CCDC71L: variants seen among roughly 807,000 people sequenced by gnomAD.
CCDC71L encodes the protein coiled-coil domain-containing protein 71L.
A neutral mutation model predicts 10.2 loss-of-function variants in CCDC71L; 6 were observed. The observed-to-expected ratio is 0.59, with a 90% CI of 0.32 to 1.16. CCDC71L has a LOEUF of 1.16. Ranked by LOEUF, CCDC71L falls within the 50% of genes most tolerant of loss-of-function variation. The pLI is 0.05. For synonymous variants in CCDC71L, 204 were observed against 175.5 expected, an observed-to-expected ratio of 1.16 and a Z score of -1.28; for missense variants, 366 against 383.4, an observed-to-expected ratio of 0.95 and a Z score of 0.38.
At position 106,660,714 on chromosome 7, in the gene CCDC71L, C is replaced by T. The variant is rs1792579993; in HGVS notation, c.183G>A (p.Lys61=). 7 of 1,580,414 alleles carry T rather than the reference C, an allele frequency of 4.4e-6. No individual in the cohort carries two copies. The highest frequency in any genetic ancestry group is 5.2e-6 in the Non-Finnish European group (6 of 1,163,284). ...DSTKALGDAF[K]LFMPRSTEFM... ...ACTCCGTGCTGCGGGGCATGAAGAG[C>T]TTGAAGGCGTCGCCCAGCGCCTTGG... is the stretch of plus-strand genomic sequence containing the variant. The change falls in exon 1 of 1, where the codon AAG becomes AAA. Residue 61 remains lysine, a synonymous_variant. Transcript: ENST00000523505. This position sits in a 1 kb window ranked among gnomAD's most constrained non-coding sequence, Gnocchi z 7.5.
At position 106,660,528 on chromosome 7, in the gene CCDC71L, C is replaced by A; in HGVS notation, c.369G>T (p.Arg123=). The A allele has an allele frequency of 6.9e-7, 1 of 1,453,576 alleles. No individual in the cohort carries two copies. The highest frequency in any genetic ancestry group is 1.3e-5 in the South Asian group (1 of 75,066). The allele number at this position is 1,453,576 out of a possible 1,614,324, so 90.0% of individuals were successfully genotyped here. ...TCCTGGCCGCTGCGCGCGGAACCGGCCGGCGCGCCTGGCCGCGGGCTGTAG... is the reference window on the plus strand; with the variant it reads ...TCCTGGCCGCTGCGCGCGGAACCGGACGGCGCGCCTGGCCGCGGGCTGTAG... ...GPPTARGQAR[R]PVPRAAARRR... Residue 123 remains arginine (R), a synonymous_variant, in exon 1 of 1, where the codon CGG becomes CGT. Coordinates refer to ENST00000523505, the MANE Select transcript of CCDC71L (RefSeq NM_175884.6). This position sits in a 1 kb window ranked among gnomAD's most constrained non-coding sequence, Gnocchi z 7.5.
chr7:106,654,828 C>A lies in CCDC71L; in HGVS notation c.*5361G>T, dbSNP rs1792464927. Among the ~76,000 whole-genome samples the A allele has an allele frequency of 6.6e-6, 1 of 151,554 alleles. No individual in the cohort carries two copies. Among genetic ancestry groups the A allele is most frequent in the Non-Finnish European group, 1.5e-5 (1 of 67,884 alleles). ...TGTTTTTGCTTCAATAATTTTTTTA[C>A]TCTGTAAGATTTAGAACCCTAAGCC... On this transcript the variant is annotated 3_prime_UTR_variant, in exon 1 of 1. Transcript: ENST00000523505.
At position 106,658,037 on chromosome 7, in the gene CCDC71L, G is replaced by A. The variant is rs1792519775; in HGVS notation, c.*2152C>T. Reference sequence around the variant, plus strand: ...AATTGCATTCTAATATGGCCATTGGGTTTATTTTTCATTATTATAAAACTA... The same window carrying A: ...AATTGCATTCTAATATGGCCATTGGATTTATTTTTCATTATTATAAAACTA... On this transcript the variant is annotated 3_prime_UTR_variant, in exon 1 of 1. Coordinates refer to ENST00000523505, the MANE Select transcript of CCDC71L (RefSeq NM_175884.6). 1 of 152,110 alleles carries A rather than the reference G, an allele frequency of 6.6e-6. No individual in the cohort carries two copies. Among genetic ancestry groups the A allele is most frequent in the South Asian group, 2.1e-4 (1 of 4,836 alleles). The allele number at this position is 152,110 out of a possible 1,614,324, so 9.4% of individuals were successfully genotyped here.
Position 106,658,650 on chromosome 7 carries a change from C to G in CCDC71L, c.*1539G>C, listed in dbSNP as rs1429864460. On this transcript the variant is annotated 3_prime_UTR_variant, in exon 1 of 1. Transcript: ENST00000523505. ...ATAGTGGTACAAAAACACTACTTGA[C>G]CCTTTAGGTATTGCAGTAAAAGCTG... 1 of 152,606 alleles carries G rather than the reference C, an allele frequency of 6.6e-6. No homozygotes were observed. The highest frequency in any genetic ancestry group is 1.5e-5 in the Non-Finnish European group (1 of 68,028). The allele number at this position is 152,606 out of a possible 1,614,324, so 9.5% of individuals were successfully genotyped here.
Position 106,658,881 on chromosome 7 carries a change from G to C in CCDC71L, c.*1308C>G, listed in dbSNP as rs888430401. On this transcript the variant is annotated 3_prime_UTR_variant, in exon 1 of 1. Transcript: ENST00000523505. ...TAGAACTGCAAACATATAATGAGTGGCAAAAAGGTTAAAAAAAATGTTGGG... is the reference window on the plus strand; with the variant it reads ...TAGAACTGCAAACATATAATGAGTGCCAAAAAGGTTAAAAAAAATGTTGGG... 5 of 152,318 alleles carry C rather than the reference G, an allele frequency of 3.3e-5. No homozygotes were observed. The highest frequency in any genetic ancestry group is 1.2e-4 in the African/African-American group (5 of 41,336). The allele number at this position is 152,318 out of a possible 1,614,324, so 9.4% of individuals were successfully genotyped here.
Position 106,656,261 on chromosome 7 carries a change from ACTAT to A in CCDC71L, c.*3924_*3927del, listed in dbSNP as rs1390180710. Among the ~76,000 whole-genome samples the A allele has an allele frequency of 6.6e-6, 1 of 152,170 alleles. No homozygotes were observed. The highest frequency in any genetic ancestry group is 1.5e-5 in the Non-Finnish European group (1 of 68,020). On this transcript the variant is annotated 3_prime_UTR_variant, in exon 1 of 1. Coordinates refer to ENST00000523505, the MANE Select transcript of CCDC71L (RefSeq NM_175884.6). Reference sequence around the variant, plus strand: ...CAAAGACAAATTCAGCCCACACAGTACTATCTATGAATCCGGCTCTTGCTGTGCT... The same window carrying A: ...CAAAGACAAATTCAGCCCACACAGTACTATGAATCCGGCTCTTGCTGTGCT...
rs779543264 is a variant in CCDC71L, at chr7:106,660,833, C to T, written c.64G>A (p.Gly22Ser). The T allele has an allele frequency of 1.4e-5, 22 of 1,527,642 alleles. No homozygotes were observed. In the South Asian group the frequency reaches 2.1e-4, roughly 14 times the overall value. 94.6% of individuals were successfully genotyped at this position (1,527,642 alleles called of 1,614,324 possible). A position where few individuals can be genotyped will look rare whatever the true frequency, so the allele number is the denominator to read the frequency against. ...CCGTCTTCTGCCCTAAAGTCGCCGC[C>T]CCGGGCGGCCGTGGCCGGGGCGACC... ...RPVAPATAAR[G>S]GDFRAEDGAG... The change falls in exon 1 of 1, where the codon GGC becomes AGC. Residue 22 changes from glycine (G) to serine (S), a missense_variant. Physicochemically the swap from Gly to Ser is moderately conservative, Grantham distance 56. Transcript: ENST00000523505. This position sits in a 1 kb window ranked among gnomAD's most constrained non-coding sequence, Gnocchi z 7.5.
chr7:106,655,917 A>G lies in CCDC71L; in HGVS notation c.*4272T>C, dbSNP rs77642072. ...GATGCTGAGAAACCTGGAGAGCTAA[A>G]CTCACAACGGACCACTCTCAGCTTA... On this transcript the variant is annotated 3_prime_UTR_variant, in exon 1 of 1. Coordinates refer to ENST00000523505, the MANE Select transcript of CCDC71L (RefSeq NM_175884.6). Among the ~76,000 whole-genome samples, 22,860 of 152,144 alleles carry G rather than the reference A, an allele frequency of 0.15. 2,357 individuals carry two copies. Among genetic ancestry groups the G allele is most frequent in the East Asian group, 0.52 (2,709 of 5,180 alleles).
At position 106,660,950 on chromosome 7, in the gene CCDC71L, G is replaced by A. The variant is rs1478787415; in HGVS notation, c.-54C>T. Reference sequence around the variant, plus strand: ...GCCGGGTCCCACTACTGCCGCCGCCGTCCCAGTCCGCGTTGGCTCCGCGGC... The same window carrying A: ...GCCGGGTCCCACTACTGCCGCCGCCATCCCAGTCCGCGTTGGCTCCGCGGC... On this transcript the variant is annotated 5_prime_UTR_variant, in exon 1 of 1. The change creates a new upstream start codon in the 5' untranslated region. Transcript: ENST00000523505. This position sits in a 1 kb window ranked among gnomAD's most constrained non-coding sequence, Gnocchi z 7.5. The A allele has an allele frequency of 2.3e-6, 3 of 1,302,786 alleles. No homozygotes were observed. Among genetic ancestry groups the A allele is most frequent in the African/African-American group, 1.6e-5 (1 of 64,338 alleles). 80.7% of individuals were successfully genotyped at this position (1,302,786 alleles called of 1,614,324 possible). A position where few individuals can be genotyped will look rare whatever the true frequency, so the allele number is the denominator to read the frequency against.
chr7:106,658,030 C>T lies in CCDC71L; in HGVS notation c.*2159G>A, dbSNP rs1304633753. ...ATGTCGAAATTGCATTCTAATATGG[C>T]CATTGGGTTTATTTTTCATTATTAT... is the stretch of plus-strand genomic sequence containing the variant. On this transcript the variant is annotated 3_prime_UTR_variant, in exon 1 of 1. Coordinates refer to ENST00000523505, the MANE Select transcript of CCDC71L (RefSeq NM_175884.6). The T allele has an allele frequency of 6.6e-6, 1 of 152,106 alleles. No homozygotes were observed. Among genetic ancestry groups the T allele is most frequent in the Admixed American group, 6.5e-5 (1 of 15,280 alleles). The allele number at this position is 152,106 out of a possible 1,614,324, so 9.4% of individuals were successfully genotyped here. A position where few individuals can be genotyped will look rare whatever the true frequency, so the allele number is the denominator to read the frequency against.
At position 106,659,446 on chromosome 7, in the gene CCDC71L, A is replaced by G. The variant is rs1792548984; in HGVS notation, c.*743T>C. The G allele has an allele frequency of 6.6e-6, 1 of 152,616 alleles. No individual in the cohort carries two copies. Among genetic ancestry groups the G allele is most frequent in the Non-Finnish European group, 1.5e-5 (1 of 68,016 alleles). 9.5% of individuals were successfully genotyped at this position (152,616 alleles called of 1,614,324 possible). On this transcript the variant is annotated 3_prime_UTR_variant, in exon 1 of 1. Transcript: ENST00000523505. The stretch of plus-strand genomic sequence containing the variant: ...CAAAAGTTTTCATGTGTATTCTACC[A>G]TTTTTAGGAGCTCAGTAAATATAAA...
rs1275955299 is a variant in CCDC71L at position 106,657,119 on chromosome 7, C to G, written c.*3070G>C. ...GTACTATCATTTGCACACAGCAGAT[C>G]AATAGGTGTCAGTCACCAGCTTAAG... On this transcript the variant is annotated 3_prime_UTR_variant, in exon 1 of 1. Transcript: ENST00000523505. The G allele has an allele frequency of 6.6e-6, 1 of 152,142 alleles. No homozygotes were observed. Among genetic ancestry groups the G allele is most frequent in the South Asian group, 2.1e-4 (1 of 4,836 alleles). The allele number at this position is 152,142 out of a possible 1,614,324, so 9.4% of individuals were successfully genotyped here.
Position 106,660,374 on chromosome 7 carries a change from G to C in CCDC71L, c.523C>G (p.Arg175Gly). The change falls in exon 1 of 1, where the codon CGC (arginine) becomes GGC (glycine). Residue 175 changes from arginine (R) to glycine (G), a missense_variant. Transcript: ENST00000523505. This position sits in a 1 kb window ranked among gnomAD's most constrained non-coding sequence, Gnocchi z 7.5. ...PVAPGPCFGGRTLEEIWRAAT... is the reference protein window; with the variant it reads ...PVAPGPCFGGGTLEEIWRAAT... ...GCCCTCCAGATCTCCTCCAAGGTGCGGCCCCCGAAGCAGGGCCCGGGGGCC... is the reference window on the plus strand; with the variant it reads ...GCCCTCCAGATCTCCTCCAAGGTGCCGCCCCCGAAGCAGGGCCCGGGGGCC... 3 of 1,369,236 alleles carry C rather than the reference G, an allele frequency of 2.2e-6. No homozygotes were observed. The highest frequency in any genetic ancestry group is 2.8e-6 in the Non-Finnish European group (3 of 1,065,942). 84.8% of individuals were successfully genotyped at this position (1,369,236 alleles called of 1,614,324 possible).
chr7:106,660,627 C>T lies in CCDC71L; in HGVS notation c.270G>A (p.Pro90=), dbSNP rs752583474. 3.1e-6 allele frequency: 5 copies of T among 1,589,506 alleles called. No individual in the cohort carries two copies. Among genetic ancestry groups the T allele is most frequent in the Admixed American group, 1.8e-5 (1 of 56,936 alleles). Residue 90 remains proline, a synonymous_variant, in exon 1 of 1, where the codon CCG becomes CCA. Coordinates refer to ENST00000523505, the MANE Select transcript of CCDC71L (RefSeq NM_175884.6). This position sits in a 1 kb window ranked among gnomAD's most constrained non-coding sequence, Gnocchi z 7.5. ...AGACGTCCTTGCTGCGCAGGATGTG[C>T]GGGGAGAACTGGTGCTTGAGGCTGC... ...FLCSLKHQFS[P]HILRSKDVYG...
At position 106,657,503 on chromosome 7, in the gene CCDC71L, T is replaced by C. The variant is rs936026768; in HGVS notation, c.*2686A>G. Reference sequence around the variant, plus strand: ...TTCAAAAACTATACACAAGCTAAGCTACAGACTTCACTTCAGAGGAGTAAG... The same window carrying C: ...TTCAAAAACTATACACAAGCTAAGCCACAGACTTCACTTCAGAGGAGTAAG... On this transcript the variant is annotated 3_prime_UTR_variant, in exon 1 of 1. Transcript: ENST00000523505. 4 of 152,208 alleles carry C rather than the reference T, an allele frequency of 2.6e-5. No individual in the cohort carries two copies. The allele number at this position is 152,208 out of a possible 1,614,324, so 9.4% of individuals were successfully genotyped here. A position where few individuals can be genotyped will look rare whatever the true frequency, so the allele number is the denominator to read the frequency against.
Position 106,655,316 on chromosome 7 carries a change from T to C in CCDC71L, c.*4873A>G, listed in dbSNP as rs533769072. On this transcript the variant is annotated 3_prime_UTR_variant, in exon 1 of 1. Coordinates refer to ENST00000523505, the MANE Select transcript of CCDC71L (RefSeq NM_175884.6). ...TTGGCTTGTTCACCAATTTAGAGGA[T>C]GTTCTATTCTCTGTGCTATGAGGAA... Among the ~76,000 whole-genome samples, 6 of 152,332 alleles carry C rather than the reference T, an allele frequency of 3.9e-5. No homozygotes were observed. The South Asian group carries it at 1.0e-3, about 26-fold the overall frequency.
Position 106,660,172 on chromosome 7 carries a change from G to T in CCDC71L, c.*17C>A. The T allele has an allele frequency of 6.6e-7, 1 of 1,519,916 alleles. No homozygotes were observed. Among genetic ancestry groups the T allele is most frequent in the Non-Finnish European group, 8.7e-7 (1 of 1,144,630 alleles). 94.2% of individuals were successfully genotyped at this position (1,519,916 alleles called of 1,614,324 possible). A position where few individuals can be genotyped will look rare whatever the true frequency, so the allele number is the denominator to read the frequency against. ...CCCAAGGTCGGGGCCGGCAGGAGGC[G>T]CCCTGGAGGCCGCACCTCATGCCCG... On this transcript the variant is annotated 3_prime_UTR_variant, in exon 1 of 1. Coordinates refer to ENST00000523505, the MANE Select transcript of CCDC71L (RefSeq NM_175884.6). The surrounding 1 kb of genome is among the most constrained non-coding windows in gnomAD (Gnocchi z 7.5).
chr7:106,660,719 A>T lies in CCDC71L; in HGVS notation c.178T>A (p.Phe60Ile). The T allele has an allele frequency of 6.3e-7, 1 of 1,578,500 alleles. No homozygotes were observed. Among genetic ancestry groups the T allele is most frequent in the South Asian group, 1.2e-5 (1 of 86,072 alleles). Residue 60 changes from phenylalanine (F) to isoleucine (I), a missense_variant, in exon 1 of 1, where the codon TTC becomes ATC. Phe to Ile is a conservative substitution (Grantham distance 21, BLOSUM62 0). Transcript: ENST00000523505. This position sits in a 1 kb window ranked among gnomAD's most constrained non-coding sequence, Gnocchi z 7.5. The stretch of plus-strand genomic sequence containing the variant: ...GTGCTGCGGGGCATGAAGAGCTTGA[A>T]GGCGTCGCCCAGCGCCTTGGTGCTG... Reference protein sequence around the residue: ...ADSTKALGDAFKLFMPRSTEF... With the variant: ...ADSTKALGDAIKLFMPRSTEF...
chr7:106,656,919 C>T lies in CCDC71L; in HGVS notation c.*3270G>A, dbSNP rs936030137. Reference sequence around the variant, plus strand: ...TCTAATGCGCTTAAGACATAACACTCTATCAAAAAATATTTTAAACACACC... The same window carrying T: ...TCTAATGCGCTTAAGACATAACACTTTATCAAAAAATATTTTAAACACACC... On this transcript the variant is annotated 3_prime_UTR_variant, in exon 1 of 1. Coordinates refer to ENST00000523505, the MANE Select transcript of CCDC71L (RefSeq NM_175884.6). 2 of 152,146 alleles carry T rather than the reference C, an allele frequency of 1.3e-5. No homozygotes were observed. Among genetic ancestry groups the T allele is most frequent in the African/African-American group, 4.8e-5 (2 of 41,446 alleles). The allele number at this position is 152,146 out of a possible 1,614,324, so 9.4% of individuals were successfully genotyped here. A position where few individuals can be genotyped will look rare whatever the true frequency, so the allele number is the denominator to read the frequency against.
Sources: gnomAD v4.1 joint callset for allele counts (sites outside exome capture counted in the v4.1 genomes callset) on GRCh38, gnomAD v4.1.1 for gene constraint, Gnocchi (gnomAD v3.1) non-coding constraint, MANE v1.5 for transcripts, NCBI Gene and HGNC (gene_info 2026-07-23, HGNC 2026-07-21) for gene names.